The following ORC4 variants were observed in gnomAD, a reference collection of about 807,000 sequenced individuals.
The protein encoded by ORC4 is origin recognition complex, subunit 4 homolog.
Under a neutral mutation model 63.9 loss-of-function variants are expected in ORC4, and 55 were observed. The ratio of observed to expected loss-of-function variants is 0.86; its 90% CI spans 0.69 to 1.08. The LOEUF (loss-of-function observed/expected upper bound fraction) is 1.08. Among genes scored for constraint, ORC4 ranks in the 50% least tolerant of loss-of-function variants. ORC4 has a pLI of 0.00. For missense variants in ORC4, 511 were observed against 504.4 expected, an observed-to-expected ratio of 1.01 and a Z score of -0.13; for synonymous variants, 150 against 168.5, an observed-to-expected ratio of 0.89 and a Z score of 0.85.
At chr2:147,946,069 C>T (rs1688641869) in intron 9 of ORC4, among the ~76,000 whole-genome samples, 2 of 152,052 alleles carry the variant, frequency 1.3e-5, no homozygotes, top group Admixed American at 1.3e-4. Flanking sequence ...AGGTCTGCAA[C>T]AAAAGTCCAG....
intron 1 of ORC4, among the ~76,000 whole-genome samples, chr2:148,010,422 G>A (rs1039293481): frequency 2.6e-5 from 4 of 151,682 alleles, no homozygotes; most frequent in Admixed American, 2.0e-4. Context: ...GGGTTGTTTG[G>A]AAAGACAGAC....
intron 1 of ORC4, among the ~76,000 whole-genome samples, chr2:147,980,351 T>C (rs1376757843): frequency 6.6e-6 from 1 of 152,126 alleles, no homozygotes; most frequent in Non-Finnish European, 1.5e-5. Flanking sequence ...GAATATGGGA[T>C]ATGTGTAGGT....
intron 1 of ORC4, among the ~76,000 whole-genome samples, chr2:148,002,936 C>G (rs1282916798): frequency 6.6e-6 from 1 of 152,172 alleles, no homozygotes; most frequent in African/African-American, 2.4e-5. Flanking sequence ...GATATCACCA[C>G]TGATCCCACA....
chr2:147,979,319 T>A (rs1345079131), intron 1 of ORC4, among the ~76,000 whole-genome samples: 1 of 152,004 alleles, frequency 6.6e-6, no homozygotes, highest in Non-Finnish European at 1.5e-5. Context: ...AATAACTATT[T>A]GATAAAATTA....
At chr2:147,948,634 A>G (rs1488896301) in intron 8 of ORC4, among the ~76,000 whole-genome samples, 2 of 151,958 alleles carry the variant, frequency 1.3e-5, no homozygotes, top group African/African-American at 4.8e-5. Context: ...GGAAAGTGGC[A>G]GAAATGCAAC....
intron 1 of ORC4, among the ~76,000 whole-genome samples, chr2:147,985,396 C>G (rs1403537461): frequency 6.6e-6 from 1 of 152,142 alleles, no homozygotes; most frequent in Non-Finnish European, 1.5e-5. Flanking sequence ...CGGGGTTTCA[C>G]CATGTTAGCC....
chr2:147,961,599 C>T (rs1689595394), intron 4 of ORC4, among the ~76,000 whole-genome samples: 1 of 152,180 alleles, frequency 6.6e-6, no homozygotes, highest in Non-Finnish European at 1.5e-5. Flanking sequence ...CAATGCTCAT[C>T]TCTTCAACCT....
intron 1 of ORC4, chr2:147,982,222 A>AT (rs1356522870): frequency 6.6e-6 from 1 of 152,100 alleles, no homozygotes; most frequent in Admixed American, 6.5e-5. Context: ...ATCTTATTCT[A>AT]TTTTTTATTT....
intron 4 of ORC4, 101 bp from the exon 5 acceptor site, chr2:147,958,967 T>A: frequency 3.3e-6 from 2 of 611,208 alleles, no homozygotes; most frequent in South Asian, 4.0e-5. Flanking sequence ...ATAAATAAAT[T>A]GACCTCTTTA....
chr2:147,992,236 G>A (rs1354700119), intron 1 of ORC4, among the ~76,000 whole-genome samples: 2 of 152,130 alleles, frequency 1.3e-5, no homozygotes, highest in Non-Finnish European at 2.9e-5. Context: ...GTATAAGGGC[G>A]ACAGACACTT....
intron 9 of ORC4, among the ~76,000 whole-genome samples, chr2:147,946,537 C>A (rs1688666949): frequency 6.6e-6 from 1 of 151,942 alleles, no homozygotes; most frequent in Non-Finnish European, 1.5e-5. Flanking sequence ...GAAGGTGCTC[C>A]TATAGATGGA....
At chr2:147,963,580 T>A (rs921232290) in intron 4 of ORC4, among the ~76,000 whole-genome samples, 3 of 152,044 alleles carry the variant, frequency 2.0e-5, no homozygotes, top group Admixed American at 6.6e-5. Context: ...ATCCCAGGCA[T>A]CTCCTGGGCC....
At chr2:147,950,988 T>C (rs1183977094) in intron 8 of ORC4, among the ~76,000 whole-genome samples, 1 of 151,172 alleles carries the variant, frequency 6.6e-6, no homozygotes, top group Non-Finnish European at 1.5e-5. Flanking sequence ...TTGATCCTTG[T>C]CATCGCCTGC....
intron 1 of ORC4, among the ~76,000 whole-genome samples, chr2:147,995,078 T>C (rs1204660434): frequency 6.7e-6 from 1 of 149,810 alleles, no homozygotes; most frequent in African/African-American, 2.5e-5. Context: ...CAATCAGCAC[T>C]CTATAAAAAC....
At chr2:147,989,615 G>C (rs780902695) in intron 1 of ORC4, among the ~76,000 whole-genome samples, 1 of 152,058 alleles carries the variant, frequency 6.6e-6, no homozygotes, top group Non-Finnish European at 1.5e-5. Flanking sequence ...CTTGAGGCAG[G>C]AGAACTGCTT....
intron 1 of ORC4, among the ~76,000 whole-genome samples, chr2:148,000,026 G>C (rs973088243): frequency 1.3e-5 from 2 of 149,904 alleles, no homozygotes; most frequent in East Asian, 3.9e-4. Flanking sequence ...AGTCTCAAAA[G>C]TTTGAAAAAG....
intron 8 of ORC4, among the ~76,000 whole-genome samples, chr2:147,950,106 T>C (rs999168407): frequency 3.9e-5 from 6 of 152,146 alleles, no homozygotes; most frequent in Admixed American, 2.6e-4. Context: ...AAGAAAAGTA[T>C]AGTGCCAGCA....
chr2:147,985,163 T>G (rs1375922979), intron 1 of ORC4, among the ~76,000 whole-genome samples: 1 of 152,166 alleles, frequency 6.6e-6, no homozygotes, highest in Non-Finnish European at 1.5e-5. Flanking sequence ...TGGCCAACAA[T>G]AATGATAACT....
At position 147,935,117 on chromosome 2, in the gene ORC4, A is replaced by G. The variant is rs1687977067; in HGVS notation, c.*393T>C. On this transcript the variant is annotated 3_prime_UTR_variant, in exon 14 of 14. Transcript: ENST00000392857. ...ACACTGCAGCAAACCTGCTGTACCA[A>G]AGGTTACTTATTATACTTCAGTGCT... The G allele has an allele frequency of 5.7e-6, 1 of 175,088 alleles. No individual in the cohort carries two copies. Among genetic ancestry groups the G allele is most frequent in the South Asian group, 1.3e-4 (1 of 7,714 alleles). 10.8% of individuals were successfully genotyped at this position (175,088 alleles called of 1,614,324 possible). A position where few individuals can be genotyped will look rare whatever the true frequency, so the allele number is the denominator to read the frequency against.
Sources: allele counts gnomAD v4.1 joint callset (sites outside exome capture counted in the v4.1 genomes callset), GRCh38; gene constraint gnomAD v4.1.1; transcripts MANE v1.5; gene names NCBI Gene and HGNC (gene_info 2026-07-23, HGNC 2026-07-21).